The following KLF12 variants were observed in gnomAD, a reference collection of about 807,000 sequenced individuals.
The protein encoded by KLF12 is Krueppel-like factor 12.
A neutral mutation model predicts 37.8 loss-of-function variants in KLF12; 9 were observed. The ratio of observed to expected loss-of-function variants is 0.24; its 90% CI spans 0.14 to 0.42. The LOEUF is 0.42. Among genes scored for constraint, KLF12 ranks in the 10% least tolerant of loss-of-function variants. The probability of loss-of-function intolerance (pLI) is 1.00; values close to 1 mark genes in which losing one functional copy is unlikely to be tolerated. For synonymous variants in KLF12, 208 were observed against 202.1 expected (o/e 1.03, Z -0.25); for missense variants, 411 against 516.0 (o/e 0.80, Z 1.97).
At chr13:74,120,317 A>G (rs755593459) in intron 1 of KLF12, among the ~76,000 whole-genome samples, 33 of 152,184 alleles carry the variant, frequency 2.2e-4, no homozygotes, top group Non-Finnish European at 4.4e-4. Context: ...CCCTGTCTCT[A>G]CTAAAAATAC....
At chr13:73,718,951 T>C (rs1347396134) in intron 6 of KLF12, among the ~76,000 whole-genome samples, 2 of 152,128 alleles carry the variant, frequency 1.3e-5, no homozygotes, top group South Asian at 2.1e-4. Context: ...CCTAAAGGTA[T>C]CTGTACAATA....
chr13:73,824,656 G>A (rs1403732081), intron 4 of KLF12, among the ~76,000 whole-genome samples: 1 of 152,128 alleles, frequency 6.6e-6, no homozygotes, highest in Non-Finnish European at 1.5e-5. Context: ...CAACTCCGAA[G>A]AGAAAAATTT....
chr13:73,956,081 C>T (rs1890822113), intron 2 of KLF12, among the ~76,000 whole-genome samples: 1 of 152,116 alleles, frequency 6.6e-6, no homozygotes, highest in Admixed American at 6.5e-5. Context: ...ACAATAAAGT[C>T]ATAAAGGAAA....
intron 1 of KLF12, among the ~76,000 whole-genome samples, chr13:74,059,787 C>T (rs1270337754): frequency 1.3e-5 from 2 of 152,054 alleles, no homozygotes; most frequent in Non-Finnish European, 2.9e-5. Context: ...ACTTAAGTTC[C>T]ATTTGTCTAT....
chr13:74,086,321 A>G (rs972613981), intron 1 of KLF12, among the ~76,000 whole-genome samples: 5 of 126,122 alleles, frequency 4.0e-5, no homozygotes, highest in Non-Finnish European at 7.8e-5. Flanking sequence ...TCCTGTGTCC[A>G]TGTGTTCTCA....
intron 3 of KLF12, among the ~76,000 whole-genome samples, chr13:73,858,101 C>A (rs927537321): frequency 4.0e-5 from 6 of 151,764 alleles, no homozygotes; most frequent in African/African-American, 1.5e-4. Flanking sequence ...ATCTTTTTTC[C>A]TATATTTTCT....
At chr13:74,304,231 G>A in the KLF12 span, among the ~76,000 whole-genome samples, 12 of 152,244 alleles carry the variant, frequency 7.9e-5, no homozygotes, top group Middle Eastern at 3.4e-3. Context: ...ATTTCATATC[G>A]TTTGCACTGT....
chr13:73,932,337 A>C (rs1008766711), intron 3 of KLF12, among the ~76,000 whole-genome samples: 1 of 152,178 alleles, frequency 6.6e-6, no homozygotes, highest in Non-Finnish European at 1.5e-5. Context: ...CTGACCAATG[A>C]CACTGAACAC....
At chr13:73,822,876 C>A (rs556129400) in intron 4 of KLF12, among the ~76,000 whole-genome samples, 1 of 152,330 alleles carries the variant, frequency 6.6e-6, no homozygotes, top group Admixed American at 6.5e-5. Flanking sequence ...TATCACCACA[C>A]CACTATTCCC....
rs1054021876 is a variant in KLF12, at chr13:73,890,244, T to A, written c.124-43871A>T. ...GGAGCATGGACTTTACAAGCTTTAT[T>A]TTGGGCTATATTTCAAAAAATTATT... On this transcript the variant is annotated intron_variant, in intron 3 of 7. Coordinates refer to ENST00000377669, the MANE Select transcript of KLF12 (RefSeq NM_007249.5). 5.3e-5 allele frequency among the ~76,000 whole-genome samples: 8 copies of A among 152,210 alleles called. No homozygotes were observed. The East Asian group carries it at 5.8e-4, about 11-fold the overall frequency.
intron 6 of KLF12, among the ~76,000 whole-genome samples, chr13:73,756,688 T>C (rs1246033572): frequency 6.6e-6 from 1 of 152,174 alleles, no homozygotes; most frequent in Non-Finnish European, 1.5e-5. Context: ...TTTTTGGTAC[T>C]AACACTTTTC....
intron 3 of KLF12, among the ~76,000 whole-genome samples, chr13:73,915,431 G>A (rs2139178983): frequency 6.6e-6 from 1 of 152,162 alleles, no homozygotes; most frequent in South Asian, 2.1e-4. Flanking sequence ...TTGCCTGCCT[G>A]CCTGCCTGAG....
rs1196902827 is a variant in KLF12 at position 73,813,046 on chromosome 13, G to C, written c.806+106C>G. The C allele has an allele frequency of 7.3e-6, 9 of 1,233,520 alleles. No homozygotes were observed. The East Asian group carries it at 1.9e-4, about 26-fold the overall frequency. The allele number at this position is 1,233,520 out of a possible 1,614,324, so 76.4% of individuals were successfully genotyped here. ...TGAAAAGCTGCTGACATTCGTGCCA[G>C]TTCACAGCTAGAATGACATGGCTGG... On this transcript the variant is annotated intron_variant, in intron 5 of 7. Coordinates refer to ENST00000377669, the MANE Select transcript of KLF12 (RefSeq NM_007249.5).
At chr13:74,009,592 AG>A (rs1454566641) in intron 1 of KLF12, among the ~76,000 whole-genome samples, 2 of 152,210 alleles carry the variant, frequency 1.3e-5, no homozygotes, top group Non-Finnish European at 2.9e-5. Flanking sequence ...TAGGGGAACA[AG>A]AGAGAAGGAG....
At position 73,714,250 on chromosome 13, in the gene KLF12, C is replaced by G. The variant is rs138373237; in HGVS notation, c.1027+1118G>C. Among the ~76,000 whole-genome samples, 326 of 152,276 alleles carry G rather than the reference C, an allele frequency of 2.1e-3. 2 individuals are homozygous for G. The highest frequency in any genetic ancestry group is 0.01 in the Middle Eastern group (3 of 294). ...TTGAGCCCAGGAGTTCAAGACCAGC[C>G]TGGCCAACATAGTGAGACCCTGTCT... On this transcript the variant is annotated intron_variant, in intron 7 of 7. Transcript: ENST00000377669.
chr13:73,734,343 T>C (rs888361147), intron 6 of KLF12, among the ~76,000 whole-genome samples: 2 of 152,094 alleles, frequency 1.3e-5, no homozygotes, highest in Non-Finnish European at 2.9e-5. Context: ...GGTATATTTA[T>C]TTGTTCATAA....
intron 1 of KLF12, among the ~76,000 whole-genome samples, chr13:74,127,831 G>C (rs1411668455): frequency 6.6e-6 from 1 of 152,196 alleles, no homozygotes. Context: ...GTCTAACCAA[G>C]TGACTTTTAA....
intron 3 of KLF12, among the ~76,000 whole-genome samples, chr13:73,939,286 T>C (rs969856295): frequency 2.0e-5 from 3 of 152,226 alleles, no homozygotes; most frequent in African/African-American, 7.2e-5. Flanking sequence ...CAAAAATATT[T>C]TTATTTAGAG....
rs537353380 is a variant in KLF12 at position 74,066,002 on chromosome 13, A to T, written c.-32+67737T>A. ...AGAAGACATTCCTGGGGACGCGGAC[A>T]TAAAAAGATTAGGGAGACTTTATGG... On this transcript the variant is annotated intron_variant, in intron 1 of 7. Coordinates refer to ENST00000377669, the MANE Select transcript of KLF12 (RefSeq NM_007249.5). Among the ~76,000 whole-genome samples, 92 of 152,254 alleles carry T rather than the reference A, an allele frequency of 6.0e-4. 1 individual carries two copies. Among genetic ancestry groups the T allele is most frequent in the South Asian group, 5.4e-3 (26 of 4,816 alleles).
Sources: gnomAD v4.1 joint callset for allele counts (sites outside exome capture counted in the v4.1 genomes callset) on GRCh38, gnomAD v4.1.1 for gene constraint, MANE v1.5 for transcripts, NCBI Gene and HGNC (gene_info 2026-07-23, HGNC 2026-07-21) for gene names.